DOCK10: variants seen among roughly 807,000 people sequenced by gnomAD.
DOCK10 encodes dedicator of cytokinesis protein 10.
Under a neutral mutation model 280.1 loss-of-function variants are expected in DOCK10, and 145 were observed. That is an observed-to-expected ratio of 0.52 (90% CI 0.45 to 0.59). The LOEUF is 0.59. Among genes scored for constraint, DOCK10 ranks in the 20% least tolerant of loss-of-function variants. The pLI is 0.00. For synonymous variants in DOCK10, 915 were observed against 942.2 expected (o/e 0.97, Z 0.53); for missense variants, 2,368 against 2,651.7 (o/e 0.89, Z 2.35).
At chr2:224,785,470 A>G (rs1691668251) in intron 50 of DOCK10, among the ~76,000 whole-genome samples, 1 of 152,046 alleles carries the variant, frequency 6.6e-6, no homozygotes. Flanking sequence ...ATCTGCCTTT[A>G]TTAATTCAAA....
At chr2:225,024,300 C>A (rs900720048) in intron 1 of DOCK10, among the ~76,000 whole-genome samples, 2 of 152,092 alleles carry the variant, frequency 1.3e-5, no homozygotes, top group South Asian at 4.1e-4. Context: ...ATACTGATTT[C>A]TTGATCTTGG....
At chr2:224,958,793 T>C (rs1704199233) in intron 1 of DOCK10, among the ~76,000 whole-genome samples, 1 of 152,236 alleles carries the variant, frequency 6.6e-6, no homozygotes, top group South Asian at 2.1e-4. Flanking sequence ...CCTACTGGCA[T>C]GTGGCAAATA....
intron 50 of DOCK10, among the ~76,000 whole-genome samples, chr2:224,782,979 G>A (rs571923191): frequency 6.6e-6 from 1 of 152,264 alleles, no homozygotes; most frequent in South Asian, 2.1e-4. Flanking sequence ...TACACGTTCG[G>A]GGGAATGCTC....
At chr2:224,999,724 T>C (rs1463017440) in intron 1 of DOCK10, among the ~76,000 whole-genome samples, 1 of 151,880 alleles carries the variant, frequency 6.6e-6, no homozygotes, top group African/African-American at 2.4e-5. Flanking sequence ...TTTTTTTTTT[T>C]TTGGTAGATT....
chr2:225,009,638 CAA>C (rs10639609), intron 1 of DOCK10, among the ~76,000 whole-genome samples: 12 of 135,528 alleles, frequency 8.9e-5, no homozygotes, highest in Admixed American at 1.5e-4. Flanking sequence ...AGCCCTAAGG[CAA>C]AAAAAAAAAA....
At chr2:224,977,064 C>T (rs576724667) in intron 1 of DOCK10, among the ~76,000 whole-genome samples, 1 of 152,236 alleles carries the variant, frequency 6.6e-6, no homozygotes, top group East Asian at 1.9e-4. Context: ...GTGCACACAT[C>T]CTTGACTCAC....
intron 1 of DOCK10, among the ~76,000 whole-genome samples, chr2:224,985,721 G>A (rs1189581569): frequency 6.6e-6 from 1 of 151,850 alleles, no homozygotes; most frequent in Non-Finnish European, 1.5e-5. Context: ...CTGCCTCAGG[G>A]GTCCACCTAC....
At chr2:224,784,849 T>C in intron 50 of DOCK10, 2 of 1,074,578 alleles carry the variant, frequency 1.9e-6, no homozygotes, top group Non-Finnish European at 2.5e-6. Context: ...ATATCTCATA[T>C]ATTGGTTGCA....
chr2:224,864,127 G>C (rs766709856), intron 13 of DOCK10, among the ~76,000 whole-genome samples: 1 of 152,170 alleles, frequency 6.6e-6, no homozygotes, highest in Non-Finnish European at 1.5e-5. Flanking sequence ...AAAATTTCTG[G>C]TGGATATTCA....
Position 224,839,960 on chromosome 2 carries a change from A to C in DOCK10, c.2774T>G (p.Val925Gly). The change falls in exon 24 of 56, where the codon GTC (valine) becomes GGC (glycine). Residue 925 changes from valine to glycine, a missense_variant. Transcript: ENST00000258390. ...AAGGTTGTGTTATGGATACCTGGTG[A>C]CAGTTGTAGTTATTTCATCTTCCTC... ...QNEEDEITTT[V>G]TRVLTDIVAK... The C allele has an allele frequency of 6.8e-7, 1 of 1,475,662 alleles. No homozygotes were observed. Among genetic ancestry groups the C allele is most frequent in the Non-Finnish European group, 9.3e-7 (1 of 1,080,214 alleles). The allele number at this position is 1,475,662 out of a possible 1,614,324, so 91.4% of individuals were successfully genotyped here. A position where few individuals can be genotyped will look rare whatever the true frequency, so the allele number is the denominator to read the frequency against.
chr2:224,964,590 G>C (rs1421538331), intron 1 of DOCK10, among the ~76,000 whole-genome samples: 3 of 151,716 alleles, frequency 2.0e-5, no homozygotes, highest in Non-Finnish European at 4.4e-5. Context: ...CTGCAGCCTC[G>C]AACTCCTGGG....
rs1692347564 is a variant in DOCK10 at position 224,793,452 on chromosome 2, G to A, written c.5160C>T (p.Ala1720=). Residue 1720 remains alanine (A), a synonymous_variant, in exon 46 of 56, where the codon GCC becomes GCT. Coordinates refer to ENST00000258390, the MANE Select transcript of DOCK10 (RefSeq NM_014689.3). ...GAGCAGCAATATGGATGTAACACAT[G>A]GCAGCCTGTAATGAGAAAGAAAATA... ...HARNGDLSEA[A]MCYIHIAALI... The A allele has an allele frequency of 1.9e-6, 3 of 1,612,906 alleles. No homozygotes were observed. In the East Asian group the frequency reaches 6.7e-5, roughly 36 times the overall value.
At position 224,874,764 on chromosome 2, in the gene DOCK10, T is replaced by C. The variant is rs1225504999; in HGVS notation, c.932-13A>G. 3 of 1,609,106 alleles carry C rather than the reference T, an allele frequency of 1.9e-6. No individual in the cohort carries two copies. Among genetic ancestry groups the C allele is most frequent in the South Asian group, 1.1e-5 (1 of 90,964 alleles). On this transcript the variant is annotated splice_polypyrimidine_tract_variant and intron_variant, in intron 8 of 55. Transcript: ENST00000258390. ...TTATCCAGCGAATCTTAAAAAGATA[T>C]ACCAAGTCAGGTTATTAAATATTAC...
intron 29 of DOCK10, 149 bp downstream of exon 29, chr2:224,819,297 C>A: frequency 2.0e-6 from 1 of 494,766 alleles, no homozygotes; most frequent in Non-Finnish European, 3.6e-6. Context: ...GCACACTCAG[C>A]AGATGAAACA....
At chr2:224,838,687 C>T (rs1695747716) in intron 24 of DOCK10, among the ~76,000 whole-genome samples, 1 of 152,106 alleles carries the variant, frequency 6.6e-6, no homozygotes, top group Admixed American at 6.5e-5. Flanking sequence ...TAGAAAGATA[C>T]TGGAAACATT....
chr2:224,906,018 G>T (rs1274847541), intron 3 of DOCK10, among the ~76,000 whole-genome samples: 2 of 152,090 alleles, frequency 1.3e-5, no homozygotes, highest in African/African-American at 4.8e-5. Context: ...CTCTCTGCAT[G>T]TTGGCAAATA....
intron 1 of DOCK10, among the ~76,000 whole-genome samples, chr2:224,973,860 C>T (rs1013527344): frequency 3.9e-5 from 6 of 152,154 alleles, no homozygotes; most frequent in African/African-American, 1.4e-4. Flanking sequence ...ACCCTGGTTC[C>T]TCACCCATGG....
chr2:224,935,616 T>C (rs1196066541), intron 1 of DOCK10, among the ~76,000 whole-genome samples: 1 of 152,174 alleles, frequency 6.6e-6, no homozygotes, highest in Non-Finnish European at 1.5e-5. Flanking sequence ...ATCTGTAAAA[T>C]GGTTTAGTTA....
At chr2:225,040,569 C>T (rs1201024938) in intron 1 of DOCK10, among the ~76,000 whole-genome samples, 2 of 150,836 alleles carry the variant, frequency 1.3e-5, no homozygotes, top group African/African-American at 4.9e-5. Flanking sequence ...ATCTGGGATA[C>T]ATAATCTTTA....
Sources: gnomAD v4.1 joint callset for allele counts (sites outside exome capture counted in the v4.1 genomes callset) on GRCh38, gnomAD v4.1.1 for gene constraint, MANE v1.5 for transcripts, NCBI Gene and HGNC (gene_info 2026-07-23, HGNC 2026-07-21) for gene names.